The following KIAA0825 variants were observed in gnomAD, a reference collection of about 807,000 sequenced individuals.
KIAA0825 encodes the protein uncharacterized protein KIAA0825.
In KIAA0825, 119 loss-of-function variants were observed where a neutral mutation model predicts 147.6. The ratio of observed to expected loss-of-function variants is 0.81; its 90% CI spans 0.69 to 0.94. The LOEUF is 0.94. KIAA0825 is among the 40% of genes least tolerant of loss of function. The pLI, the probability that KIAA0825 is intolerant of heterozygous loss-of-function variation, is 0.00. For synonymous variants in KIAA0825, 470 were observed against 518.1 expected, an observed-to-expected ratio of 0.91 and a Z score of 1.26; for missense variants, 1,381 against 1,472.7, an observed-to-expected ratio of 0.94 and a Z score of 1.02.
intron 1 of KIAA0825, among the ~76,000 whole-genome samples, chr5:94,609,802 A>G (rs1416820478): frequency 6.6e-6 from 1 of 152,104 alleles, no homozygotes; most frequent in Non-Finnish European, 1.5e-5. Flanking sequence ...CAAGAGAGCC[A>G]GATTTCATCT....
chr5:94,389,776 C>A (rs1490573352), intron 18 of KIAA0825, among the ~76,000 whole-genome samples: 1 of 152,178 alleles, frequency 6.6e-6, no homozygotes, highest in East Asian at 1.9e-4. Context: ...GTCAGCTAGT[C>A]ATGCTTGTGT....
intron 16 of KIAA0825, among the ~76,000 whole-genome samples, chr5:94,402,345 T>C (rs1459478136): frequency 6.6e-6 from 1 of 152,124 alleles, no homozygotes; most frequent in African/African-American, 2.4e-5. Context: ...CTATAAATCA[T>C]GCCTACTGAA....
At chr5:94,516,458 A>C (rs542609882) in intron 5 of KIAA0825, among the ~76,000 whole-genome samples, 8 of 152,242 alleles carry the variant, frequency 5.3e-5, no homozygotes, top group Non-Finnish European at 8.8e-5. Context: ...AATAAAAAAG[A>C]AAAGCAAAAC....
At chr5:94,434,114 A>C (rs1054431029) in intron 14 of KIAA0825, among the ~76,000 whole-genome samples, 2 of 151,680 alleles carry the variant, frequency 1.3e-5, no homozygotes, top group Non-Finnish European at 2.9e-5. Flanking sequence ...TGCAGATTTA[A>C]GATGACCTAA....
intron 20 of KIAA0825, among the ~76,000 whole-genome samples, chr5:94,325,950 T>C (rs1241235373): frequency 6.6e-6 from 1 of 152,076 alleles, no homozygotes; most frequent in African/African-American, 2.4e-5. Flanking sequence ...AGAGTTTTTT[T>C]TCAGAACATA....
intron 14 of KIAA0825, among the ~76,000 whole-genome samples, chr5:94,419,234 G>A (rs1411486980): frequency 1.3e-5 from 2 of 152,000 alleles, no homozygotes; most frequent in South Asian, 2.1e-4. Context: ...CAGTCTAAAC[G>A]GTCTCGACTA....
At position 94,406,666 on chromosome 5, in the gene KIAA0825, A is replaced by C. The variant is rs184802697; in HGVS notation, c.2663-2873T>G. ...ACAATCCAAGGAGAATTTATTCAAG[A>C]AAATCAGCTGAATCTTGGTAAAAAC... is the stretch of plus-strand genomic sequence containing the variant. On this transcript the variant is annotated intron_variant, in intron 15 of 20. Coordinates refer to ENST00000682413, the MANE Select transcript of KIAA0825 (RefSeq NM_001145678.3). Among the ~76,000 whole-genome samples, 517 of 152,334 alleles carry C rather than the reference A, an allele frequency of 3.4e-3. 14 individuals carry two copies. Among genetic ancestry groups the C allele is most frequent in the Non-Finnish European group, 9.6e-4 (65 of 68,036 alleles).
At chr5:94,516,721 T>C (rs1161119225) in intron 5 of KIAA0825, among the ~76,000 whole-genome samples, 1 of 94,778 alleles carries the variant, frequency 1.1e-5, no homozygotes, top group Non-Finnish European at 2.2e-5. Context: ...AACCCGGAAG[T>C]GGAGCTTGCA....
chr5:94,458,081 G>A (rs62364608), intron 12 of KIAA0825, among the ~76,000 whole-genome samples: 2,721 of 152,230 alleles, frequency 0.018, 36 homozygotes, highest in Non-Finnish European at 0.029. Context: ...CCTTTCTGAT[G>A]GCCCTAGAAT....
At chr5:94,600,201 G>A (rs979949859) in intron 1 of KIAA0825, among the ~76,000 whole-genome samples, 1 of 152,058 alleles carries the variant, frequency 6.6e-6, no homozygotes, top group South Asian at 2.1e-4. Flanking sequence ...TCACTAGAAC[G>A]TCTATAATCA....
chr5:94,477,236 A>AAT, intron 6 of KIAA0825, 31 bp from the exon 7 acceptor site: 1 of 1,333,542 alleles, frequency 7.5e-7, no homozygotes, highest in African/African-American at 1.5e-5. Flanking sequence ...CAAACACACT[A>AAT]ATATATATTG....
At chr5:94,566,577 G>A (rs1452412528) in intron 2 of KIAA0825, among the ~76,000 whole-genome samples, 1 of 151,884 alleles carries the variant, frequency 6.6e-6, no homozygotes, top group Non-Finnish European at 1.5e-5. Context: ...ATACTTTAAT[G>A]AGTTTCTTAG....
chr5:94,322,852 T>C (rs1460762115), intron 20 of KIAA0825, among the ~76,000 whole-genome samples: 1 of 151,966 alleles, frequency 6.6e-6, no homozygotes, highest in African/African-American at 2.4e-5. Context: ...TTATAAATTA[T>C]TCATTTTTAT....
At chr5:94,267,102 A>G (rs931507973) in intron 20 of KIAA0825, among the ~76,000 whole-genome samples, 5 of 152,212 alleles carry the variant, frequency 3.3e-5, no homozygotes, top group African/African-American at 1.2e-4. Flanking sequence ...GACTATTACC[A>G]TACTTGTCAC....
intron 2 of KIAA0825, among the ~76,000 whole-genome samples, chr5:94,542,793 C>T (rs766744731): frequency 6.6e-5 from 10 of 151,562 alleles, no homozygotes; most frequent in Middle Eastern, 3.4e-3. Context: ...GGTGACGGAG[C>T]GAGATTCCCT....
intron 1 of KIAA0825, among the ~76,000 whole-genome samples, chr5:94,607,513 G>A (rs1351039007): frequency 6.6e-6 from 1 of 152,116 alleles, no homozygotes; most frequent in Non-Finnish European, 1.5e-5. Context: ...GGAGGCGGAG[G>A]CAGGAGAATA....
intron 5 of KIAA0825, chr5:94,519,909 A>G: frequency 1.5e-6 from 1 of 672,962 alleles, no homozygotes; most frequent in Non-Finnish European, 1.9e-6. Context: ...AGGAGCTTAT[A>G]TGTGTATAAG....
At chr5:94,361,779 G>C (rs1745096132) in intron 20 of KIAA0825, among the ~76,000 whole-genome samples, 1 of 152,088 alleles carries the variant, frequency 6.6e-6, no homozygotes, top group South Asian at 2.1e-4. Context: ...AGAAACCCTT[G>C]GGGTCTATAA....
chr5:94,287,687 T>G (rs1777718785), intron 20 of KIAA0825, among the ~76,000 whole-genome samples: 1 of 152,196 alleles, frequency 6.6e-6, no homozygotes, highest in Admixed American at 6.5e-5. Context: ...CAACCTGCCT[T>G]TAAACATCTT....
Sources: gnomAD v4.1 joint callset for allele counts (sites outside exome capture counted in the v4.1 genomes callset) on GRCh38, gnomAD v4.1.1 for gene constraint, MANE v1.5 for transcripts, NCBI Gene and HGNC (gene_info 2026-07-23, HGNC 2026-07-21) for gene names.